The following KCNB2 variants were observed in gnomAD, a reference collection of about 807,000 sequenced individuals.
KCNB2 encodes potassium voltage-gated channel subfamily B member 2, also known as delayed rectifier potassium channel protein.
A neutral mutation model predicts 61.5 loss-of-function variants in KCNB2; 15 were observed. That is an observed-to-expected ratio of 0.24 (90% CI 0.16 to 0.38). KCNB2 has a LOEUF of 0.38. Ranked by LOEUF, KCNB2 falls within the 10% of genes least tolerant of loss-of-function variation. The pLI is 1.00. For synonymous variants in KCNB2, 457 were observed against 446.0 expected (o/e 1.02, Z -0.31); for missense variants, 828 against 1,125.2 (o/e 0.74, Z 3.78).
At chr8:72,682,593 T>TA (rs775865289) in intron 2 of KCNB2, among the ~76,000 whole-genome samples, 189 of 133,358 alleles carry the variant, frequency 1.4e-3, no homozygotes, top group South Asian at 0.012. Flanking sequence ...AAGTTGAATT[T>TA]AAAAAAAAAA....
At chr8:72,922,684 G>C (rs1199122801) in intron 2 of KCNB2, among the ~76,000 whole-genome samples, 1 of 152,162 alleles carries the variant, frequency 6.6e-6, no homozygotes. Context: ...CCACCTCTTA[G>C]TATTATTTCA....
chr8:72,832,176 A>T (rs1809709458), intron 2 of KCNB2, among the ~76,000 whole-genome samples: 1 of 152,250 alleles, frequency 6.6e-6, no homozygotes, highest in Non-Finnish European at 1.5e-5. Context: ...GTCAGGGAAA[A>T]GGTGTACATG....
At chr8:72,635,843 G>T (rs1184280343) in intron 2 of KCNB2, among the ~76,000 whole-genome samples, 2 of 152,120 alleles carry the variant, frequency 1.3e-5, no homozygotes, top group African/African-American at 4.8e-5. Flanking sequence ...TCTGCGGCTT[G>T]GTGGCCAACA....
chr8:72,709,096 T>C (rs535615627), intron 2 of KCNB2, among the ~76,000 whole-genome samples: 15 of 152,322 alleles, frequency 9.8e-5, no homozygotes, highest in African/African-American at 3.6e-4. Flanking sequence ...GTACTAACAT[T>C]ATTTACTTCC....
chr8:72,924,116 A>C (rs531387818), intron 2 of KCNB2, among the ~76,000 whole-genome samples: 65 of 152,318 alleles, frequency 4.3e-4, no homozygotes, highest in African/African-American at 1.4e-3. Context: ...TCAACTACCA[A>C]GTTGAATTGT....
At chr8:72,854,229 C>T (rs1278284670) in intron 2 of KCNB2, among the ~76,000 whole-genome samples, 2 of 152,078 alleles carry the variant, frequency 1.3e-5, no homozygotes, top group Admixed American at 1.3e-4. Context: ...TGCATTTTTT[C>T]TAAGCAGGCA....
intron 2 of KCNB2, among the ~76,000 whole-genome samples, chr8:72,653,196 C>T (rs117343799): frequency 0.013 from 1,913 of 152,262 alleles, 17 homozygotes; most frequent in Non-Finnish European, 0.019. Flanking sequence ...GATTCTTATT[C>T]CATTAAGGTC....
At chr8:72,923,837 C>G (rs1286574207) in intron 2 of KCNB2, among the ~76,000 whole-genome samples, 1 of 152,174 alleles carries the variant, frequency 6.6e-6, no homozygotes. Flanking sequence ...TAATTCTGCC[C>G]AAACTCTTTA....
chr8:72,767,834 C>G (rs2128996942), intron 2 of KCNB2, among the ~76,000 whole-genome samples: 1 of 152,310 alleles, frequency 6.6e-6, no homozygotes. Flanking sequence ...TTCCCACCAG[C>G]AATGAAAGAG....
chr8:72,799,403 A>C (rs906000163), intron 2 of KCNB2, among the ~76,000 whole-genome samples: 2 of 107,166 alleles, frequency 1.9e-5, no homozygotes, highest in Non-Finnish European at 4.4e-5. Flanking sequence ...TCAAGAGCAC[A>C]TTATTATTTT....
At chr8:72,886,823 T>C (rs1028498210) in intron 2 of KCNB2, among the ~76,000 whole-genome samples, 4 of 152,216 alleles carry the variant, frequency 2.6e-5, no homozygotes, top group Non-Finnish European at 5.9e-5. Flanking sequence ...ATTCAGTAAA[T>C]ATTAATCAAT....
chr8:72,836,935 A>G (rs1160765029), intron 2 of KCNB2, among the ~76,000 whole-genome samples: 1 of 152,104 alleles, frequency 6.6e-6, no homozygotes, highest in East Asian at 1.9e-4. Flanking sequence ...CAAACAAAAT[A>G]TTATCAACAG....
intron 2 of KCNB2, among the ~76,000 whole-genome samples, chr8:72,868,549 G>A (rs1454065610): frequency 6.6e-6 from 1 of 151,732 alleles, no homozygotes; most frequent in African/African-American, 2.4e-5. Context: ...CTGCACTCCA[G>A]CCTGGCAACA....
intron 2 of KCNB2, among the ~76,000 whole-genome samples, chr8:72,929,948 C>G (rs1353598341): frequency 1.8e-5 from 2 of 109,526 alleles, no homozygotes; most frequent in African/African-American, 6.6e-5. Context: ...ATCCCTCCCC[C>G]CTCCCCCCAC....
intron 2 of KCNB2, among the ~76,000 whole-genome samples, chr8:72,775,898 TG>T (rs1157438296): frequency 1.3e-5 from 2 of 152,198 alleles, no homozygotes; most frequent in Non-Finnish European, 2.9e-5. Context: ...ATCCCATTAC[TG>T]GGTATATACC....
intron 2 of KCNB2, among the ~76,000 whole-genome samples, chr8:72,644,322 C>G (rs1011044580): frequency 7.9e-5 from 12 of 152,118 alleles, no homozygotes; most frequent in African/African-American, 2.9e-4. Flanking sequence ...CTGAATTGTG[C>G]TGCTGAGTGA....
Position 72,844,661 on chromosome 8 carries a change from T to C in KCNB2, c.580-91274T>C, listed in dbSNP as rs186894085. Among the ~76,000 whole-genome samples, 337 of 152,324 alleles carry C rather than the reference T, an allele frequency of 2.2e-3. 2 individuals carry two copies. The highest frequency in any genetic ancestry group is 7.6e-3 in the African/African-American group (315 of 41,574). ...CCTTTTCATTCTTTTTCTCTAATCTTGTCTTCATGCTTTATTTCATTAAGT... is the reference window on the plus strand; with the variant it reads ...CCTTTTCATTCTTTTTCTCTAATCTCGTCTTCATGCTTTATTTCATTAAGT... On this transcript the variant is annotated intron_variant, in intron 2 of 2. Transcript: ENST00000523207.
At chr8:72,696,104 G>A (rs1222977799) in intron 2 of KCNB2, among the ~76,000 whole-genome samples, 5 of 152,202 alleles carry the variant, frequency 3.3e-5, no homozygotes, top group African/African-American at 4.8e-5. Flanking sequence ...GAGACGAGAT[G>A]ATAAATCTGA....
chr8:72,717,803 A>C (rs1807471764), intron 2 of KCNB2, among the ~76,000 whole-genome samples: 1 of 152,256 alleles, frequency 6.6e-6, no homozygotes, highest in Non-Finnish European at 1.5e-5. Flanking sequence ...AAAAGCCAAA[A>C]TTGACAAATG....
Sources: gnomAD v4.1 joint callset for allele counts (sites outside exome capture counted in the v4.1 genomes callset) on GRCh38, gnomAD v4.1.1 for gene constraint, MANE v1.5 for transcripts, NCBI Gene and HGNC (gene_info 2026-07-23, HGNC 2026-07-21) for gene names.